Variants in GRIN2A observed in about 807,000 individuals in gnomAD.
The protein encoded by GRIN2A is glutamate ionotropic receptor NMDA type subunit 2A, also known as glutamate receptor ionotropic, NMDA 2A.
A neutral mutation model predicts 113.4 loss-of-function variants in GRIN2A; 22 were observed. The ratio of observed to expected loss-of-function variants is 0.19; its 90% confidence interval spans 0.14 to 0.28. The LOEUF is 0.28. Among genes scored for constraint, GRIN2A ranks in the 10% least tolerant of loss-of-function variants. The probability of loss-of-function intolerance (pLI) is 1.00; values close to 1 mark genes in which losing one functional copy is unlikely to be tolerated. For synonymous variants in GRIN2A, 827 were observed against 738.4 expected, an observed-to-expected ratio of 1.12 and a Z score of -1.94; for missense variants, 1,502 against 1,887.0, an observed-to-expected ratio of 0.80 and a Z score of 3.78.
At chr16:10,010,000 C>G (rs1270872209) in intron 2 of GRIN2A, among the ~76,000 whole-genome samples, 2 of 152,188 alleles carry the variant, frequency 1.3e-5, no homozygotes, top group Middle Eastern at 6.3e-3. Flanking sequence ...TTGTCTTGGG[C>G]CAGACCAAAG....
At chr16:10,084,668 C>A (rs1216625677) in intron 2 of GRIN2A, among the ~76,000 whole-genome samples, 1 of 152,088 alleles carries the variant, frequency 6.6e-6, no homozygotes, top group Non-Finnish European at 1.5e-5. Context: ...ATCATCTTTG[C>A]TCAATTAGGA....
In GRIN2A at chr16:10,180,615, A is replaced by C; in HGVS notation, c.-18-186T>G. 1 of 965,282 alleles carries C rather than the reference A, an allele frequency of 1.0e-6. No individual in the cohort carries two copies. The highest frequency in any genetic ancestry group is 1.5e-6 in the Non-Finnish European group (1 of 668,704). The allele number at this position is 965,282 out of a possible 1,614,324, so 59.8% of individuals were successfully genotyped here. On this transcript the variant is annotated intron_variant, in intron 1 of 12. Coordinates refer to ENST00000330684, the MANE Select transcript of GRIN2A (RefSeq NM_001134407.3). The surrounding 1 kb of genome is among the most constrained non-coding windows in gnomAD (Gnocchi z 7.0). ...CATCCCTCGATCCATCTCTAACTCTATCCACAACTCCAATTCGAGCTAATT... is the reference window on the plus strand; with the variant it reads ...CATCCCTCGATCCATCTCTAACTCTCTCCACAACTCCAATTCGAGCTAATT...
chr16:9,874,530 G>A (rs1256563429), intron 4 of GRIN2A, among the ~76,000 whole-genome samples: 2 of 152,162 alleles, frequency 1.3e-5, no homozygotes, highest in Non-Finnish European at 2.9e-5. Context: ...CAGGGATGGG[G>A]GGACCCCCAA....
chr16:10,016,721 T>C (rs919694616), intron 2 of GRIN2A, among the ~76,000 whole-genome samples: 1 of 152,194 alleles, frequency 6.6e-6, no homozygotes, highest in African/African-American at 2.4e-5. Flanking sequence ...CTTCTCCACA[T>C]TAGGGCAAAG....
chr16:10,062,442 A>C (rs147669943), intron 2 of GRIN2A, among the ~76,000 whole-genome samples: 4 of 152,360 alleles, frequency 2.6e-5, no homozygotes, highest in African/African-American at 9.6e-5. Flanking sequence ...CCTTTCTAGA[A>C]ATGCAAATTG....
intron 2 of GRIN2A, among the ~76,000 whole-genome samples, chr16:10,016,658 G>T (rs2046616707): frequency 1.3e-5 from 2 of 152,218 alleles, no homozygotes; most frequent in South Asian, 4.1e-4. Flanking sequence ...ATTTATTGTA[G>T]TTGTGTTTTT....
At chr16:9,765,088 C>T in intron 12 of GRIN2A, 140 bp from the exon 13 acceptor site, 1 of 1,025,356 alleles carries the variant, frequency 9.8e-7, no homozygotes, top group South Asian at 1.3e-5. Context: ...CAGTCTGAAT[C>T]CTGATAATGT....
At chr16:9,969,186 G>A (rs1296042983) in intron 2 of GRIN2A, among the ~76,000 whole-genome samples, 2 of 152,074 alleles carry the variant, frequency 1.3e-5, no homozygotes, top group East Asian at 1.9e-4. Context: ...TGTGGTCAAG[G>A]TGATCTCCTC....
At position 9,764,033 on chromosome 16, in the gene GRIN2A, G is replaced by C. The variant is rs768174483; in HGVS notation, c.3511C>G (p.Pro1171Ala). The change falls in exon 13 of 13, where the codon CCC becomes GCC. Residue 1171 changes from proline to alanine, a missense_variant. By Grantham distance (27) the Pro-to-Ala change is conservative. Transcript: ENST00000330684. ...GAAAGCCCCTCTTCATTATGCAAGG[G>C]GTTCCGGTTCATTGGCAGCGTGGAG... ...GDSTLPMNRN[P>A]LHNEEGLSNN... is the part of the protein sequence containing the mutation. The C allele has an allele frequency of 6.2e-7, 1 of 1,614,016 alleles. No homozygotes were observed. Among genetic ancestry groups the C allele is most frequent in the Non-Finnish European group, 8.5e-7 (1 of 1,179,948 alleles).
At chr16:10,147,329 G>T (rs1243434544) in intron 2 of GRIN2A, among the ~76,000 whole-genome samples, 5 of 151,830 alleles carry the variant, frequency 3.3e-5, no homozygotes, top group Admixed American at 3.3e-4. Flanking sequence ...TAATGTGAAA[G>T]AATTAATTGT....
chr16:9,872,697 A>G (rs964388315), intron 4 of GRIN2A, among the ~76,000 whole-genome samples: 1 of 152,198 alleles, frequency 6.6e-6, no homozygotes, highest in Non-Finnish European at 1.5e-5. Flanking sequence ...ACTGGAGGCC[A>G]TGATCATAAG....
At chr16:10,023,235 T>A (rs1038602145) in intron 2 of GRIN2A, among the ~76,000 whole-genome samples, 1 of 152,142 alleles carries the variant, frequency 6.6e-6, no homozygotes, top group African/African-American at 2.4e-5. Flanking sequence ...ATTCCCAAGC[T>A]AGAGAACGAG....
chr16:9,981,728 G>GA (rs1271240735), intron 2 of GRIN2A, among the ~76,000 whole-genome samples: 1 of 152,076 alleles, frequency 6.6e-6, no homozygotes, highest in African/African-American at 2.4e-5. Flanking sequence ...TATACTTTTA[G>GA]AAAAATCGTA....
chr16:9,822,831 C>A (rs1360933988), intron 9 of GRIN2A, among the ~76,000 whole-genome samples: 6 of 152,180 alleles, frequency 3.9e-5, no homozygotes, highest in Admixed American at 1.3e-4. Context: ...GTCCATTTAT[C>A]CACTTTATGA....
At chr16:10,084,710 G>A (rs1357029118) in intron 2 of GRIN2A, among the ~76,000 whole-genome samples, 1 of 148,194 alleles carries the variant, frequency 6.7e-6, no homozygotes, top group African/African-American at 2.5e-5. Flanking sequence ...TTTCTAGTAT[G>A]ATTTTTCATT....
At chr16:9,957,829 C>CT (rs962360440) in intron 2 of GRIN2A, among the ~76,000 whole-genome samples, 1 of 152,148 alleles carries the variant, frequency 6.6e-6, no homozygotes, top group Non-Finnish European at 1.5e-5. Context: ...CTTCTATAGA[C>CT]TTGGGCAGGT....
intron 2 of GRIN2A, among the ~76,000 whole-genome samples, chr16:10,019,991 C>T (rs1486567093): frequency 6.6e-6 from 1 of 152,146 alleles, no homozygotes; most frequent in Non-Finnish European, 1.5e-5. Context: ...TTAATTAATT[C>T]GATGGTGGTG....
intron 12 of GRIN2A, among the ~76,000 whole-genome samples, chr16:9,765,345 T>C (rs1313929239): frequency 1.3e-5 from 2 of 152,206 alleles, no homozygotes; most frequent in Non-Finnish European, 2.9e-5. Flanking sequence ...TTTGAAAGTT[T>C]AGGCACCAGA....
At chr16:9,790,085 G>C (rs1443252407) in intron 11 of GRIN2A, among the ~76,000 whole-genome samples, 1 of 152,186 alleles carries the variant, frequency 6.6e-6, no homozygotes, top group East Asian at 1.9e-4. Context: ...TGCCTCTACT[G>C]TGCTGCAGGG....
Sources: gnomAD v4.1 joint callset for allele counts (sites outside exome capture counted in the v4.1 genomes callset) on GRCh38, gnomAD v4.1.1 for gene constraint, Gnocchi (gnomAD v3.1) non-coding constraint, MANE v1.5 for transcripts, NCBI Gene and HGNC (gene_info 2026-07-23, HGNC 2026-07-21) for gene names.